The following VDR variants were observed in gnomAD, a reference collection of about 807,000 sequenced individuals.
VDR encodes vitamin D receptor.
A neutral mutation model predicts 39.7 loss-of-function variants in VDR; 19 were observed. The ratio of observed to expected loss-of-function variants is 0.48; its 90% CI spans 0.33 to 0.70. VDR has a LOEUF of 0.70. Among genes scored for constraint, VDR ranks in the 30% least tolerant of loss-of-function variants. The pLI is 0.02. For missense variants in VDR, 442 were observed against 570.5 expected (o/e 0.77, Z 2.29); for synonymous variants, 242 against 215.8 (o/e 1.12, Z -1.07).
Position 47,882,733 on chromosome 12 carries a change from C to G in VDR, c.-42G>C. The G allele has an allele frequency of 6.8e-7, 1 of 1,474,514 alleles. No individual in the cohort carries two copies. Among genetic ancestry groups the G allele is most frequent in the Non-Finnish European group, 9.0e-7 (1 of 1,110,790 alleles). The allele number at this position is 1,474,514 out of a possible 1,614,324, so 91.3% of individuals were successfully genotyped here. On this transcript the variant is annotated 5_prime_UTR_variant, in exon 2 of 10. Transcript: ENST00000549336. ...GGCAGGTAAGTGGAGCCCAGGGGTG[C>G]TCTTCTGTGAGGTCTCACAGACACT...
chr12:47,887,301 G>A lies in VDR; in HGVS notation c.-83-4527C>T, dbSNP rs1240639783. On this transcript the variant is annotated intron_variant, in intron 1 of 9. Transcript: ENST00000549336. ...CGCACCGTTGTACTCCAGCCTGGGC[G>A]ACAAGAGTAAAACTCCGTCTCAAAA... Among the ~76,000 whole-genome samples, 40 of 94,866 alleles carry A rather than the reference G, an allele frequency of 4.2e-4. 1 individual carries two copies. Among genetic ancestry groups the A allele is most frequent in the Non-Finnish European group, 1.3e-4 (7 of 52,994 alleles). 62.2% of individuals were successfully genotyped at this position (94,866 alleles called of 152,430 possible). A position where few individuals can be genotyped will look rare whatever the true frequency, so the allele number is the denominator to read the frequency against.
intron 3 of VDR, among the ~76,000 whole-genome samples, chr12:47,876,606 G>T (rs530284064): frequency 5.9e-5 from 9 of 152,344 alleles, no homozygotes; most frequent in Non-Finnish European, 7.3e-5. Flanking sequence ...CTAAGAGTGG[G>T]TTAAGGTGGC....
chr12:47,865,129 GT>G lies in VDR; in HGVS notation c.194del (p.Asp65AlafsTer25). 1 of 1,613,848 alleles carries G rather than the reference GT, an allele frequency of 6.2e-7. No homozygotes were observed. Among genetic ancestry groups the G allele is most frequent in the Non-Finnish European group, 8.5e-7 (1 of 1,179,778 alleles). On this transcript the variant is annotated frameshift_variant, in exon 4 of 10. Transcript: ENST00000549336. LOFTEE classifies it high-confidence loss of function. ...KALFTCPFNG[D>X]CRITKDNRRH... Reference sequence around the variant, plus strand: ...GTCGGTTGTCCTTGGTGATGCGGCAGTCCCCGTTGAAGGGGCAGGTGAATAG... The same window carrying G: ...GTCGGTTGTCCTTGGTGATGCGGCAGCCCCGTTGAAGGGGCAGGTGAATAG...
At chr12:47,845,705 A>G (rs1363215714) in intron 9 of VDR, among the ~76,000 whole-genome samples, 2 of 152,136 alleles carry the variant, frequency 1.3e-5, no homozygotes, top group Non-Finnish European at 1.5e-5. Context: ...GGGCAGGGGT[A>G]GAGGAGCCCA....
At chr12:47,865,598 A>G (rs929999889) in intron 3 of VDR, among the ~76,000 whole-genome samples, 1 of 151,704 alleles carries the variant, frequency 6.6e-6, no homozygotes, top group African/African-American at 2.4e-5. Flanking sequence ...TTTTTTGTAA[A>G]AATGGGGTCT....
intron 1 of VDR, chr12:47,904,487 A>AAAAAAAAAAAAAAAAAAAAAAAC (rs1946630933): frequency 2.1e-6 from 2 of 961,180 alleles, no homozygotes; most frequent in Admixed American, 3.1e-5. Context: ...AAAAAAAAAA[A>AAAAAAAAAAAAAAAAAAAAAAAC]TTACTTAAAA....
chr12:47,890,839 T>G (rs537100087), intron 1 of VDR, among the ~76,000 whole-genome samples: 9 of 152,042 alleles, frequency 5.9e-5, no homozygotes, highest in Non-Finnish European at 1.3e-4. Context: ...CAGCTACAAC[T>G]CAAGATGTCT....
At chr12:47,873,113 C>T (rs1200537226) in intron 3 of VDR, among the ~76,000 whole-genome samples, 1 of 152,164 alleles carries the variant, frequency 6.6e-6, no homozygotes, top group Non-Finnish European at 1.5e-5. Context: ...GAAGGAGGGG[C>T]CTGGTGGGAC....
intron 4 of VDR, among the ~76,000 whole-genome samples, chr12:47,864,562 T>A (rs1390090900): frequency 6.6e-6 from 1 of 152,192 alleles, no homozygotes; most frequent in Non-Finnish European, 1.5e-5. Context: ...ATGCCAACTA[T>A]GCTCTGAATA....
intron 3 of VDR, among the ~76,000 whole-genome samples, chr12:47,875,666 G>C (rs965073033): frequency 5.3e-5 from 8 of 152,226 alleles, no homozygotes; most frequent in African/African-American, 1.9e-4. Flanking sequence ...ATTCATGGTA[G>C]TTATGGTCTA....
At chr12:47,856,624 A>T (rs1299015874) in intron 6 of VDR, among the ~76,000 whole-genome samples, 5 of 135,010 alleles carry the variant, frequency 3.7e-5, no homozygotes, top group East Asian at 2.0e-4. Context: ...GTTTTTTTTA[A>T]AAAAAAAAAA....
chr12:47,872,761 C>T (rs61919100), intron 3 of VDR, among the ~76,000 whole-genome samples: 1 of 152,034 alleles, frequency 6.6e-6, no homozygotes, highest in African/African-American at 2.4e-5. Flanking sequence ...TTATACTTTC[C>T]AAGTTCCATG....
chr12:47,864,165 A>C (rs953980447), intron 4 of VDR, among the ~76,000 whole-genome samples: 1 of 152,208 alleles, frequency 6.6e-6, no homozygotes, highest in Non-Finnish European at 1.5e-5. Flanking sequence ...AGAAAAAGGA[A>C]TGAGTGTACA....
intron 4 of VDR, 100 bp from the exon 5 acceptor site, chr12:47,857,788 T>A: frequency 7.4e-7 from 1 of 1,354,434 alleles, no homozygotes; most frequent in Non-Finnish European, 1.0e-6. Flanking sequence ...GGAGGGGCTT[T>A]AACACTCGGG....
rs746214307 is a variant in VDR at position 47,846,783 on chromosome 12, C to A, written c.781G>T (p.Val261Leu). The change falls in exon 8 of 10, where the codon GTA (valine) becomes TTA (leucine). Residue 261 changes from valine (V) to leucine (L), a missense_variant. By Grantham distance (32) the Val-to-Leu change is conservative (BLOSUM62 1). Coordinates refer to ENST00000549336, the MANE Select transcript of VDR (RefSeq NM_000376.3). ...TCAATGGCACTTGACTTCAGCAGTA[C>A]GATCTGGTCCTCAGAGGTGAGGTCT... ...FRDLTSEDQI[V>L]LLKSSAIEVI... 6.2e-7 allele frequency: 1 copy of A among 1,614,130 alleles called. No individual in the cohort carries two copies. The highest frequency in any genetic ancestry group is 1.7e-5 in the Admixed American group (1 of 60,006).
chr12:47,875,289 G>T (rs1945977584), intron 3 of VDR, among the ~76,000 whole-genome samples: 1 of 152,184 alleles, frequency 6.6e-6, no homozygotes, highest in South Asian at 2.1e-4. Flanking sequence ...TTGGATTACT[G>T]GTCTCCAGGG....
At chr12:47,857,082 C>T in intron 6 of VDR, 47 bp downstream of exon 6, 1 of 1,612,356 alleles carries the variant, frequency 6.2e-7, no homozygotes, top group Non-Finnish European at 8.5e-7. Context: ...GCGGTGGACT[C>T]CTCGCCCCCG....
intron 3 of VDR, 37 bp downstream of exon 3, chr12:47,878,931 C>A: frequency 6.2e-7 from 1 of 1,614,078 alleles, no homozygotes; most frequent in Admixed American, 1.7e-5. Flanking sequence ...TCTTCTCCCT[C>A]CCTTTCCACT....
At chr12:47,851,989 G>A (rs987507639) in intron 7 of VDR, among the ~76,000 whole-genome samples, 6 of 152,294 alleles carry the variant, frequency 3.9e-5, no homozygotes, top group East Asian at 3.9e-4. Context: ...ACTTAACCTC[G>A]GGAAGAGAAA....
Sources: allele counts gnomAD v4.1 joint callset (sites outside exome capture counted in the v4.1 genomes callset), GRCh38; gene constraint gnomAD v4.1.1; transcripts MANE v1.5; gene names NCBI Gene and HGNC (gene_info 2026-07-23, HGNC 2026-07-21).